Variants in ARMH4 observed in about 807,000 individuals in gnomAD.
ARMH4 encodes the protein armadillo like helical domain containing 4, also known as armadillo-like helical domain-containing protein 4.
ARMH4 carries 49 observed loss-of-function variants against 61.9 expected under a neutral mutation model. The ratio of observed to expected loss-of-function variants is 0.79; its 90% CI spans 0.63 to 1.00. The LOEUF is 1.00. Among genes scored for constraint, ARMH4 ranks in the 50% least tolerant of loss-of-function variants. The pLI is 0.00. For synonymous variants in ARMH4, 368 were observed against 341.5 expected (o/e 1.08, Z -0.85); for missense variants, 934 against 930.0 (o/e 1.00, Z -0.06).
chr14:58,062,441 G>A (rs1269756292), intron 5 of ARMH4, among the ~76,000 whole-genome samples: 1 of 152,190 alleles, frequency 6.6e-6, no homozygotes, highest in Non-Finnish European at 1.5e-5. Flanking sequence ...TCCCAGGAAA[G>A]GCTTAACAGA....
intron 5 of ARMH4, among the ~76,000 whole-genome samples, chr14:58,060,113 T>C (rs1004167599): frequency 6.6e-6 from 1 of 152,242 alleles, no homozygotes; most frequent in Non-Finnish European, 1.5e-5. Context: ...TTAATCAATA[T>C]TGGATTCATT....
At chr14:58,069,065 T>C (rs1884797680) in intron 5 of ARMH4, among the ~76,000 whole-genome samples, 1 of 151,350 alleles carries the variant, frequency 6.6e-6, no homozygotes, top group African/African-American at 2.4e-5. Flanking sequence ...TATAAAGATC[T>C]AGTCCAAACA....
At chr14:58,026,377 A>C (rs976002939) in intron 5 of ARMH4, among the ~76,000 whole-genome samples, 3 of 152,134 alleles carry the variant, frequency 2.0e-5, no homozygotes, top group Non-Finnish European at 4.4e-5. Context: ...GCAACCTTGA[A>C]GTTTCTGCTG....
chr14:58,125,677 G>A (rs1399925297), intron 4 of ARMH4, among the ~76,000 whole-genome samples: 1 of 152,200 alleles, frequency 6.6e-6, no homozygotes, highest in Non-Finnish European at 1.5e-5. Context: ...ATGCTCTGAT[G>A]TTAATGACAT....
At chr14:58,094,579 A>T (rs900274134) in intron 5 of ARMH4, among the ~76,000 whole-genome samples, 4 of 152,312 alleles carry the variant, frequency 2.6e-5, no homozygotes, top group African/African-American at 9.6e-5. Context: ...GAGTGTGTGC[A>T]TGTGTGTACA....
intron 6 of ARMH4, among the ~76,000 whole-genome samples, chr14:58,010,284 T>A (rs1452866011): frequency 6.6e-6 from 1 of 152,212 alleles, no homozygotes; most frequent in Non-Finnish European, 1.5e-5. Context: ...TGTACATGTA[T>A]CTTCTCAAAC....
intron 1 of ARMH4, among the ~76,000 whole-genome samples, chr14:58,146,757 A>G (rs1027762854): frequency 6.6e-6 from 1 of 152,234 alleles, no homozygotes; most frequent in Non-Finnish European, 1.5e-5. Flanking sequence ...CACTTGGTCA[A>G]TATTTTTTCC....
At chr14:58,101,284 A>G (rs909966344) in intron 4 of ARMH4, 3 of 152,670 alleles carry the variant, frequency 2.0e-5, no homozygotes, top group Non-Finnish European at 4.4e-5. Context: ...CAAATTGGGC[A>G]TGGAAGTGCC....
At chr14:58,066,867 G>A (rs1163412789) in intron 5 of ARMH4, among the ~76,000 whole-genome samples, 2 of 152,160 alleles carry the variant, frequency 1.3e-5, no homozygotes, top group African/African-American at 4.8e-5. Flanking sequence ...AAAATCATTT[G>A]TATCAGACTC....
chr14:58,045,438 G>T (rs1427039504), intron 5 of ARMH4, among the ~76,000 whole-genome samples: 1 of 152,182 alleles, frequency 6.6e-6, no homozygotes, highest in East Asian at 1.9e-4. Flanking sequence ...CAGGAAGGGG[G>T]ACATCACACA....
intron 5 of ARMH4, among the ~76,000 whole-genome samples, chr14:58,018,721 T>A (rs1196459607): frequency 6.6e-6 from 1 of 152,138 alleles, no homozygotes. Flanking sequence ...TGGAGTTTCC[T>A]CAAAAAATTA....
At chr14:58,096,309 T>C (rs1235011142) in intron 5 of ARMH4, among the ~76,000 whole-genome samples, 1 of 152,218 alleles carries the variant, frequency 6.6e-6, no homozygotes, top group African/African-American at 2.4e-5. Context: ...GTTCTTCGAC[T>C]CTGTCCCATG....
At chr14:58,036,348 CA>C (rs1883483122) in intron 5 of ARMH4, among the ~76,000 whole-genome samples, 1 of 77,476 alleles carries the variant, frequency 1.3e-5, no homozygotes, top group Non-Finnish European at 2.8e-5. Flanking sequence ...CAAAATTCAA[CA>C]ACCCTTCATG....
At chr14:58,022,682 C>T (rs554497393) in intron 5 of ARMH4, among the ~76,000 whole-genome samples, 1 of 152,194 alleles carries the variant, frequency 6.6e-6, no homozygotes, top group Non-Finnish European at 1.5e-5. Context: ...TATACCCAAT[C>T]CTGTCACAGG....
chr14:58,066,695 C>T (rs1566564751), intron 5 of ARMH4, among the ~76,000 whole-genome samples: 1 of 152,180 alleles, frequency 6.6e-6, no homozygotes, highest in Non-Finnish European at 1.5e-5. Context: ...AGTATGTTCG[C>T]TTTTCCATGA....
At chr14:58,068,373 A>G (rs1354170312) in intron 5 of ARMH4, among the ~76,000 whole-genome samples, 4 of 152,144 alleles carry the variant, frequency 2.6e-5, no homozygotes, top group Non-Finnish European at 5.9e-5. Flanking sequence ...AAAATGTTGT[A>G]GTCTTGAAAG....
Position 58,139,168 on chromosome 14 carries a change from T to A in ARMH4, c.191A>T (p.Gln64Leu). ...DLENSSVTSK[Q>L]TPQLVVSEDP... ...TTCAGAGACCACCAGTTGGGGAGTC[T>A]GCTTTGAGGTAACAGAGCTATTTTC... Residue 64 changes from glutamine (Q) to leucine (L), a missense_variant, in exon 2 of 8, where the codon CAG becomes CTG. Gln to Leu is a moderately radical substitution (Grantham distance 113, BLOSUM62 -2). Transcript: ENST00000267485. 5.0e-6 allele frequency: 8 copies of A among 1,614,238 alleles called. No homozygotes were observed. Among genetic ancestry groups the A allele is most frequent in the Non-Finnish European group, 6.8e-6 (8 of 1,180,044 alleles).
At chr14:58,122,238 A>C (rs1886747765) in intron 4 of ARMH4, among the ~76,000 whole-genome samples, 2 of 152,222 alleles carry the variant, frequency 1.3e-5, no homozygotes, top group Non-Finnish European at 2.9e-5. Context: ...CAAAGGAAAA[A>C]TCACTCAAAC....
In ARMH4 at chr14:58,008,727, G is replaced by A. The variant is rs57096329; in HGVS notation, c.2121+3392C>T. On this transcript the variant is annotated intron_variant, in intron 6 of 7. Coordinates refer to ENST00000267485, the MANE Select transcript of ARMH4 (RefSeq NM_001001872.4). ...CATTCCCAGAGTTCCTGGGAGGTAT[G>A]TCTATGGTGGAGTCTGAGAATTTGC... 3.5e-4 allele frequency among the ~76,000 whole-genome samples: 53 copies of A among 152,298 alleles called. No homozygotes were observed. In the East Asian group the frequency reaches 9.1e-3, roughly 26 times the overall value.
Sources: gnomAD v4.1 joint callset for allele counts (sites outside exome capture counted in the v4.1 genomes callset) on GRCh38, gnomAD v4.1.1 for gene constraint, MANE v1.5 for transcripts, NCBI Gene and HGNC (gene_info 2026-07-23, HGNC 2026-07-21) for gene names.